DACH1: variants seen among roughly 807,000 people sequenced by gnomAD.
DACH1 encodes the protein dachshund homolog 1.
DACH1 carries 12 observed loss-of-function variants against 54.2 expected under a neutral mutation model. The ratio of observed to expected loss-of-function variants is 0.22; its 90% confidence interval spans 0.14 to 0.36. The LOEUF is 0.36. Among genes scored for constraint, DACH1 ranks in the 10% least tolerant of loss-of-function variants. The pLI is 1.00. For synonymous variants in DACH1, 386 were observed against 366.2 expected (o/e 1.05, Z -0.62); for missense variants, 805 against 929.8 (o/e 0.87, Z 1.75).
At chr13:71,642,215 C>T (rs764778302) in intron 2 of DACH1, among the ~76,000 whole-genome samples, 8 of 152,164 alleles carry the variant, frequency 5.3e-5, no homozygotes, top group Non-Finnish European at 8.8e-5. Context: ...TTAAAAGAAA[C>T]TAAATCACTG....
At chr13:71,473,007 G>C (rs536512536) in intron 10 of DACH1, among the ~76,000 whole-genome samples, 1 of 152,240 alleles carries the variant, frequency 6.6e-6, no homozygotes, top group South Asian at 2.1e-4. Context: ...TCTTTGCTCT[G>C]TTATGTTAAG....
In DACH1 at chr13:71,572,920, G is replaced by T. The variant is rs1193165198; in HGVS notation, c.1219C>A (p.His407Asn). 1 of 1,613,930 alleles carries T rather than the reference G, an allele frequency of 6.2e-7. No homozygotes were observed. The highest frequency in any genetic ancestry group is 1.7e-5 in the Admixed American group (1 of 59,996). Residue 407 changes from histidine to asparagine, a missense_variant, in exon 4 of 11, where the codon CAC (histidine) becomes AAC (asparagine). Physicochemically the swap from His to Asn is moderately conservative, Grantham distance 68. Coordinates refer to ENST00000613252, the MANE Select transcript of DACH1 (RefSeq NM_080759.6). ...GCCATATTTGCAATGGTGCTGAGGT[G>T]GTTCATCTGGCTCATTGCCATGGTG... ...SVTMAMSQMNHLSTIANMAAA... is the reference protein window; with the variant it reads ...SVTMAMSQMNNLSTIANMAAA...
chr13:71,852,188 A>C (rs1873711343), intron 1 of DACH1, among the ~76,000 whole-genome samples: 2 of 152,198 alleles, frequency 1.3e-5, no homozygotes, highest in Admixed American at 6.5e-5. Flanking sequence ...AGCAGGAGCC[A>C]GCCGAGTTCA....
chr13:71,658,212 T>C (rs1439761008), intron 2 of DACH1, among the ~76,000 whole-genome samples: 1 of 152,188 alleles, frequency 6.6e-6, no homozygotes, highest in Admixed American at 6.5e-5. Flanking sequence ...TAGGGATGTA[T>C]ATTTATTGTT....
chr13:71,674,925 T>G, intron 2 of DACH1: 5 of 628,848 alleles, frequency 8.0e-6, no homozygotes, highest in Non-Finnish European at 1.1e-5. Context: ...ATTTCCTAGA[T>G]ATATAAATAT....
intron 6 of DACH1, among the ~76,000 whole-genome samples, chr13:71,518,390 G>GA (rs969614304): frequency 0.01 from 1,486 of 145,810 alleles, 10 homozygotes; most frequent in Non-Finnish European, 0.016. Flanking sequence ...CAGAACTGTG[G>GA]AAAAAAAAAA....
chr13:71,714,969 G>C (rs1475628054), intron 1 of DACH1, among the ~76,000 whole-genome samples: 1 of 151,980 alleles, frequency 6.6e-6, no homozygotes, highest in Non-Finnish European at 1.5e-5. Flanking sequence ...GAGAAAAAAG[G>C]GATAGCTAAC....
At chr13:71,554,250 A>G (rs1884094140) in intron 6 of DACH1, among the ~76,000 whole-genome samples, 1 of 152,114 alleles carries the variant, frequency 6.6e-6, no homozygotes, top group East Asian at 1.9e-4. Context: ...CACACAAGAG[A>G]AAAGCATCAC....
At chr13:71,663,404 G>C (rs200510221) in intron 2 of DACH1, among the ~76,000 whole-genome samples, 3 of 151,936 alleles carry the variant, frequency 2.0e-5, no homozygotes, top group Non-Finnish European at 2.9e-5. Flanking sequence ...AAAGCAAAAA[G>C]CTAGATTGAA....
chr13:71,489,084 A>G lies in DACH1; in HGVS notation c.1635T>C (p.His545=), dbSNP rs374741331. Reference sequence around the variant, plus strand: ...GAAAACCTGGAGGCAGTGGTTGTCCATGCCCAGTTAGAGAGAGTTTGTCAA... The same window carrying G: ...GAAAACCTGGAGGCAGTGGTTGTCCGTGCCCAGTTAGAGAGAGTTTGTCAA... ...DSLDKLSLTG[H]GQPLPPGFPS... is the part of the protein sequence containing the mutation. The change falls in exon 7 of 11, where the codon CAT becomes CAC. Residue 545 remains histidine (H), a synonymous_variant. Transcript: ENST00000613252. The G allele has an allele frequency of 3.7e-5, 59 of 1,613,800 alleles. 1 individual carries two copies. The highest frequency in any genetic ancestry group is 4.9e-5 in the Non-Finnish European group (58 of 1,179,878).
intron 4 of DACH1, among the ~76,000 whole-genome samples, chr13:71,560,448 TACTC>T (rs922695814): frequency 7.9e-5 from 12 of 152,292 alleles, no homozygotes; most frequent in African/African-American, 2.9e-4. Flanking sequence ...GCTCTGGACA[TACTC>T]AGTCACATTT....
rs1281243493 is a variant in DACH1, at chr13:71,479,324, A to G, written c.1723-8T>C. The G allele has an allele frequency of 1.2e-6, 2 of 1,601,362 alleles. No individual in the cohort carries two copies. The highest frequency in any genetic ancestry group is 1.3e-5 in the African/African-American group (1 of 74,154). On this transcript the variant is annotated splice_region_variant and splice_polypyrimidine_tract_variant and intron_variant, in intron 7 of 10. Coordinates refer to ENST00000613252, the MANE Select transcript of DACH1 (RefSeq NM_080759.6). The stretch of plus-strand genomic sequence containing the variant: ...GGCAACTTTCAACAGCCCCTGTACA[A>G]AGAAGATATTCGGAATGGTAATATT...
At chr13:71,698,712 G>T (rs993622172) in intron 1 of DACH1, among the ~76,000 whole-genome samples, 26 of 152,030 alleles carry the variant, frequency 1.7e-4, no homozygotes, top group African/African-American at 5.8e-4. Context: ...TGTTACAACA[G>T]GTTAGACAAC....
intron 10 of DACH1, among the ~76,000 whole-genome samples, chr13:71,472,767 G>A (rs185652505): frequency 4.2e-4 from 64 of 152,270 alleles, no homozygotes; most frequent in Non-Finnish European, 1.3e-4. Flanking sequence ...GACATAGACC[G>A]TTTCACAAAT....
intron 2 of DACH1, among the ~76,000 whole-genome samples, chr13:71,641,103 T>C (rs752918162): frequency 7.2e-5 from 11 of 151,822 alleles, no homozygotes; most frequent in Non-Finnish European, 1.5e-4. Flanking sequence ...ATGTAAGTCT[T>C]GTTTGGGATG....
At chr13:71,577,609 T>C (rs887456258) in intron 3 of DACH1, among the ~76,000 whole-genome samples, 6 of 152,180 alleles carry the variant, frequency 3.9e-5, no homozygotes, top group African/African-American at 1.2e-4. Context: ...CACCTTTTGT[T>C]CTTGTTGGAG....
At chr13:71,586,171 T>A (rs140031309) in intron 3 of DACH1, among the ~76,000 whole-genome samples, 29 of 152,254 alleles carry the variant, frequency 1.9e-4, no homozygotes, top group African/African-American at 6.0e-4. Flanking sequence ...TGACAGGGGG[T>A]ACCAGCTCAC....
In DACH1 at chr13:71,866,521, T is replaced by TCTGCTG. The variant is rs1874815157; in HGVS notation, c.248_249insCAGCAG (p.Gly83_Gly84insSerArg). The TCTGCTG allele has an allele frequency of 9.3e-7, 1 of 1,076,470 alleles. No homozygotes were observed. Among genetic ancestry groups the TCTGCTG allele is most frequent in the African/African-American group, 3.1e-5 (1 of 32,674 alleles). The allele number at this position is 1,076,470 out of a possible 1,614,324, so 66.7% of individuals were successfully genotyped here. On this transcript the variant is annotated inframe_insertion, in exon 1 of 11. Transcript: ENST00000613252. ...CGTTGCCGCTGCTGCCGCCGCCGCC[T>TCTGCTG]CCGCTGCCGCCGCCGCCGCCGCCGC...
chr13:71,513,420 G>C (rs1418387110), intron 6 of DACH1, among the ~76,000 whole-genome samples: 1 of 151,886 alleles, frequency 6.6e-6, no homozygotes, highest in Non-Finnish European at 1.5e-5. Context: ...AAAAATTCAA[G>C]TGATGAAAAG....
Sources: gnomAD v4.1 joint callset for allele counts (sites outside exome capture counted in the v4.1 genomes callset) on GRCh38, gnomAD v4.1.1 for gene constraint, MANE v1.5 for transcripts, NCBI Gene and HGNC (gene_info 2026-07-23, HGNC 2026-07-21) for gene names.